The following PLCH1 variants were observed in gnomAD, a reference collection of about 807,000 sequenced individuals.
The protein encoded by PLCH1 is phospholipase C eta 1.
A neutral mutation model predicts 126.7 loss-of-function variants in PLCH1; 60 were observed. The ratio of observed to expected loss-of-function variants is 0.47; its 90% confidence interval spans 0.38 to 0.59. The LOEUF (loss-of-function observed/expected upper bound fraction) is 0.59. Ranked by LOEUF, PLCH1 falls within the 20% of genes least tolerant of loss-of-function variation. PLCH1 has a pLI of 0.00. For synonymous variants in PLCH1, 719 were observed against 734.9 expected (o/e 0.98, Z 0.35); for missense variants, 1,723 against 2,040.0 (o/e 0.84, Z 2.99).
chr3:155,609,958 T>G (rs934336527), intron 2 of PLCH1, among the ~76,000 whole-genome samples: 3 of 152,088 alleles, frequency 2.0e-5, no homozygotes, highest in Admixed American at 6.6e-5. Flanking sequence ...TCTAAAAGTT[T>G]GAAAAACATA....
Position 155,744,957 on chromosome 3 carries a change from C to G in PLCH1, c.-158G>C, listed in dbSNP as rs1249552290. On this transcript the variant is annotated 5_prime_UTR_variant, in exon 1 of 23. Transcript: ENST00000460012. ...GCCCCTGTGACTCCAACTCCAAACC[C>G]CTGCCAAGGGCCAGAAAAGCCCCCC... 1 of 152,548 alleles carries G rather than the reference C, an allele frequency of 6.6e-6. No homozygotes were observed. The allele number at this position is 152,548 out of a possible 1,614,324, so 9.4% of individuals were successfully genotyped here.
chr3:155,664,548 G>A (rs908636576), intron 2 of PLCH1, among the ~76,000 whole-genome samples: 1 of 152,170 alleles, frequency 6.6e-6, no homozygotes, highest in African/African-American at 2.4e-5. Context: ...TAGAAAATAT[G>A]TACACTATTA....
chr3:155,583,662 A>T lies in PLCH1; in HGVS notation c.601-20T>A. On this transcript the variant is annotated intron_variant, in intron 5 of 22. Transcript: ENST00000460012. ...GGCTTCCTGAAAAGGGCATAGAGAAAATAAAGTAATATGAAAGTTAGAAAT... is the reference window on the plus strand; with the variant it reads ...GGCTTCCTGAAAAGGGCATAGAGAATATAAAGTAATATGAAAGTTAGAAAT... The T allele has an allele frequency of 6.6e-7, 1 of 1,523,060 alleles. No homozygotes were observed. The highest frequency in any genetic ancestry group is 1.4e-5 in the African/African-American group (1 of 70,474). 94.3% of individuals were successfully genotyped at this position (1,523,060 alleles called of 1,614,324 possible).
At chr3:155,710,970 C>G (rs1245288237) in intron 1 of PLCH1, among the ~76,000 whole-genome samples, 1 of 136,136 alleles carries the variant, frequency 7.3e-6, no homozygotes, top group Non-Finnish European at 1.6e-5. Context: ...GCACTGTGGT[C>G]TTTTTTTTTT....
intron 10 of PLCH1, among the ~76,000 whole-genome samples, chr3:155,541,102 A>G (rs596578): frequency 0.81 from 123,869 of 152,132 alleles, 52,183 homozygotes; most frequent in Middle Eastern, 0.95. Context: ...CCTAGATGGA[A>G]CTGGAGACCA....
chr3:155,709,067 G>A (rs540067023), intron 1 of PLCH1, among the ~76,000 whole-genome samples: 1 of 152,096 alleles, frequency 6.6e-6, no homozygotes, highest in Non-Finnish European at 1.5e-5. Flanking sequence ...TCTCTCACTT[G>A]GTGATATGCA....
intron 1 of PLCH1, among the ~76,000 whole-genome samples, chr3:155,718,062 A>G (rs931253416): frequency 6.6e-6 from 1 of 152,194 alleles, no homozygotes; most frequent in African/African-American, 2.4e-5. Context: ...CCAGAAATTC[A>G]TTCCACCAAA....
intron 4 of PLCH1, among the ~76,000 whole-genome samples, chr3:155,588,917 C>G (rs189866621): frequency 6.6e-6 from 1 of 152,234 alleles, no homozygotes; most frequent in African/African-American, 2.4e-5. Context: ...ATGAAAAAAC[C>G]ATTCTTTCCA....
chr3:155,642,973 G>C (rs1483722300), intron 2 of PLCH1, among the ~76,000 whole-genome samples: 2 of 152,042 alleles, frequency 1.3e-5, no homozygotes, highest in Non-Finnish European at 2.9e-5. Flanking sequence ...TTTTGGAAAG[G>C]GAGTCTCACT....
At chr3:155,650,009 G>A (rs1009610138) in intron 2 of PLCH1, among the ~76,000 whole-genome samples, 6 of 151,960 alleles carry the variant, frequency 3.9e-5, no homozygotes, top group African/African-American at 1.2e-4. Flanking sequence ...AACAAGACTC[G>A]GGGAGTGAGT....
At chr3:155,707,773 C>T (rs1037794610) in intron 1 of PLCH1, among the ~76,000 whole-genome samples, 3 of 152,090 alleles carry the variant, frequency 2.0e-5, no homozygotes, top group Non-Finnish European at 2.9e-5. Context: ...ATGTAACATC[C>T]TCTCAGAGGA....
chr3:155,575,280 T>C (rs73874849), intron 6 of PLCH1, among the ~76,000 whole-genome samples: 4,104 of 152,274 alleles, frequency 0.027, 181 homozygotes, highest in African/African-American at 0.094. Flanking sequence ...CTATAATTAT[T>C]TCTCATGAGA....
chr3:155,485,143 A>G (rs1270404313), intron 22 of PLCH1, among the ~76,000 whole-genome samples: 2 of 152,154 alleles, frequency 1.3e-5, no homozygotes, highest in Admixed American at 1.3e-4. Flanking sequence ...TCAATTTCAG[A>G]TGTTGATATT....
intron 1 of PLCH1, among the ~76,000 whole-genome samples, chr3:155,726,892 T>G (rs1313178577): frequency 1.3e-5 from 2 of 149,872 alleles, no homozygotes; most frequent in Admixed American, 1.3e-4. Context: ...TTTTTTTTTT[T>G]TGTATTTTTA....
intron 6 of PLCH1, among the ~76,000 whole-genome samples, chr3:155,579,846 C>CT (rs1730430018): frequency 6.6e-6 from 1 of 152,082 alleles, no homozygotes; most frequent in Admixed American, 6.6e-5. Context: ...CTGTCAGTCT[C>CT]TGTCTCTGTC....
chr3:155,602,490 C>T (rs1412609884), intron 2 of PLCH1, among the ~76,000 whole-genome samples: 1 of 152,028 alleles, frequency 6.6e-6, no homozygotes, highest in Non-Finnish European at 1.5e-5. Context: ...GGTGAGGATA[C>T]ATTCTGAGAA....
intron 2 of PLCH1, among the ~76,000 whole-genome samples, chr3:155,678,633 G>A (rs555650089): frequency 6.6e-6 from 1 of 152,174 alleles, no homozygotes; most frequent in East Asian, 1.9e-4. Context: ...CCCAACAGAA[G>A]GTCATGTACG....
intron 2 of PLCH1, among the ~76,000 whole-genome samples, chr3:155,702,144 T>C (rs1337488921): frequency 6.6e-6 from 1 of 152,210 alleles, no homozygotes; most frequent in African/African-American, 2.4e-5. Flanking sequence ...GTAATTGTAA[T>C]TCTCAGAAAT....
chr3:155,649,927 G>A (rs559878745), intron 2 of PLCH1, among the ~76,000 whole-genome samples: 22 of 152,138 alleles, frequency 1.4e-4, no homozygotes, highest in Non-Finnish European at 2.9e-4. Flanking sequence ...GCAGTGAGCC[G>A]AGATAGCGCC....
Sources: gnomAD v4.1 joint callset for allele counts (sites outside exome capture counted in the v4.1 genomes callset) on GRCh38, gnomAD v4.1.1 for gene constraint, MANE v1.5 for transcripts, NCBI Gene and HGNC (gene_info 2026-07-23, HGNC 2026-07-21) for gene names.